Variants in PDE7B observed in about 807,000 individuals in gnomAD.
The protein encoded by PDE7B is 3',5'-cyclic-AMP phosphodiesterase 7B.
PDE7B carries 29 observed loss-of-function variants against 56.2 expected under a neutral mutation model. That is an observed-to-expected ratio of 0.52 (90% CI 0.38 to 0.70). PDE7B has a LOEUF of 0.70. PDE7B is among the 30% of genes least tolerant of loss of function. The pLI is 0.00. For synonymous variants in PDE7B, 197 were observed against 196.9 expected, an observed-to-expected ratio of 1.00 and a Z score of 0.00; for missense variants, 490 against 565.0, an observed-to-expected ratio of 0.87 and a Z score of 1.35.
intron 1 of PDE7B, among the ~76,000 whole-genome samples, chr6:135,915,273 A>C (rs1275256523): frequency 6.6e-6 from 1 of 152,148 alleles, no homozygotes; most frequent in African/African-American, 2.4e-5. Flanking sequence ...GTGTGGATGT[A>C]TGTTTTCACT....
chr6:136,068,891 G>A (rs1183015415), intron 2 of PDE7B, among the ~76,000 whole-genome samples: 1 of 152,144 alleles, frequency 6.6e-6, no homozygotes, highest in Non-Finnish European at 1.5e-5. Context: ...ATATGTCAAA[G>A]CAATCTGTTT....
chr6:136,116,853 T>G (rs1356057689), intron 3 of PDE7B, among the ~76,000 whole-genome samples: 2 of 152,180 alleles, frequency 1.3e-5, no homozygotes, highest in African/African-American at 4.8e-5. Context: ...GCCCCTGTAT[T>G]TTTAGTTTAT....
intron 1 of PDE7B, among the ~76,000 whole-genome samples, chr6:135,890,195 A>T (rs1775786614): frequency 6.6e-6 from 1 of 152,246 alleles, no homozygotes; most frequent in Non-Finnish European, 1.5e-5. Flanking sequence ...ATAACATTTT[A>T]AAAAATGAAT....
At chr6:136,048,681 T>C (rs1247638319) in intron 2 of PDE7B, among the ~76,000 whole-genome samples, 1 of 152,184 alleles carries the variant, frequency 6.6e-6, no homozygotes, top group African/African-American at 2.4e-5. Context: ...AGTGATATGA[T>C]AAATTTTACA....
At chr6:136,156,003 T>G in intron 8 of PDE7B, 1 of 603,876 alleles carries the variant, frequency 1.7e-6, no homozygotes, top group South Asian at 1.6e-5. Context: ...GATACAATTG[T>G]TTTTTAAAAT....
intron 1 of PDE7B, among the ~76,000 whole-genome samples, chr6:135,889,373 G>A (rs182982042): frequency 8.0e-5 from 12 of 150,654 alleles, no homozygotes; most frequent in East Asian, 1.9e-4. Context: ...CAAGTGATCC[G>A]CCTGCCTTGG....
intron 2 of PDE7B, among the ~76,000 whole-genome samples, chr6:135,962,616 G>T (rs1237196984): frequency 6.6e-6 from 1 of 151,926 alleles, no homozygotes; most frequent in Non-Finnish European, 1.5e-5. Context: ...TTGTTTGTTT[G>T]CATTACTAAA....
chr6:136,069,190 A>G (rs1777004663), intron 2 of PDE7B, among the ~76,000 whole-genome samples: 1 of 152,214 alleles, frequency 6.6e-6, no homozygotes. Context: ...TACACTGCCC[A>G]TAGCAAAGGA....
At chr6:136,102,557 T>C (rs1344687751) in intron 2 of PDE7B, among the ~76,000 whole-genome samples, 1 of 152,146 alleles carries the variant, frequency 6.6e-6, no homozygotes, top group South Asian at 2.1e-4. Flanking sequence ...ACTCCTCAAG[T>C]TGTTCTCCTT....
chr6:136,167,258 T>C (rs1207396637), intron 8 of PDE7B, among the ~76,000 whole-genome samples: 1 of 152,150 alleles, frequency 6.6e-6, no homozygotes, highest in Non-Finnish European at 1.5e-5. Context: ...AGCATGAAAG[T>C]ATTTATTATG....
At position 135,945,871 on chromosome 6, in the gene PDE7B, A is replaced by G. The variant is rs188622131; in HGVS notation, c.22-1593A>G. Among the ~76,000 whole-genome samples the G allele has an allele frequency of 4.1e-4, 62 of 152,264 alleles. 1 individual carries two copies. In the East Asian group the frequency reaches 0.011, roughly 27 times the overall value. On this transcript the variant is annotated intron_variant, in intron 1 of 12. Transcript: ENST00000308191. ...GCAGAGATGTATTGTACAAAGGGCC[A>G]TTTTTATATTCAGAGTTGTGAATAT...
At chr6:135,872,866 A>G (rs1223604196) in intron 1 of PDE7B, among the ~76,000 whole-genome samples, 1 of 152,168 alleles carries the variant, frequency 6.6e-6, no homozygotes, top group African/African-American at 2.4e-5. Flanking sequence ...CTACTCATTT[A>G]TATAGTAGTG....
At chr6:136,075,902 C>G (rs1777121299) in intron 2 of PDE7B, among the ~76,000 whole-genome samples, 1 of 152,152 alleles carries the variant, frequency 6.6e-6, no homozygotes, top group South Asian at 2.1e-4. Flanking sequence ...TTTTCTGTGA[C>G]TTGACTTCTA....
intron 2 of PDE7B, among the ~76,000 whole-genome samples, chr6:135,985,224 C>A (rs4075415): frequency 0.085 from 12,908 of 152,020 alleles, 927 homozygotes; most frequent in African/African-American, 0.19. Flanking sequence ...GGAAAAAAAA[C>A]CCTCCATATA....
chr6:135,982,113 C>A (rs1483896279), intron 2 of PDE7B, among the ~76,000 whole-genome samples: 3 of 152,138 alleles, frequency 2.0e-5, no homozygotes, highest in South Asian at 2.1e-4. Flanking sequence ...CCTGACCCCC[C>A]CTCTTTCTAG....
Position 136,176,550 on chromosome 6 carries a change from T to C in PDE7B, c.804-2447T>C, listed in dbSNP as rs117449563. 7.0e-3 allele frequency among the ~76,000 whole-genome samples: 1,062 copies of C among 152,208 alleles called. 6 individuals carry two copies. The highest frequency in any genetic ancestry group is 0.012 in the Non-Finnish European group (826 of 67,954). ...ATCTCATAAATTTTTGTGATTTTTT[T>C]CCCCCACGGAATGCTTCATTATTGT... On this transcript the variant is annotated intron_variant, in intron 9 of 12. Coordinates refer to ENST00000308191, the MANE Select transcript of PDE7B (RefSeq NM_018945.4).
At chr6:136,123,930 C>T (rs1162813141) in intron 3 of PDE7B, among the ~76,000 whole-genome samples, 1 of 152,112 alleles carries the variant, frequency 6.6e-6, no homozygotes, top group Non-Finnish European at 1.5e-5. Context: ...TTTTATCTAA[C>T]ATTAATAGCT....
intron 8 of PDE7B, among the ~76,000 whole-genome samples, chr6:136,170,795 T>G (rs969465056): frequency 1.3e-5 from 2 of 152,134 alleles, no homozygotes; most frequent in Admixed American, 1.3e-4. Context: ...AAGTGTTAGC[T>G]CTTCTCTCTT....
chr6:136,111,893 T>C (rs914127962), intron 3 of PDE7B, among the ~76,000 whole-genome samples: 2 of 152,218 alleles, frequency 1.3e-5, no homozygotes, highest in African/African-American at 4.8e-5. Flanking sequence ...CCTTGGGTGC[T>C]TGCAGTTTTG....
Sources: allele counts gnomAD v4.1 joint callset (sites outside exome capture counted in the v4.1 genomes callset), GRCh38; gene constraint gnomAD v4.1.1; transcripts MANE v1.5; gene names NCBI Gene and HGNC (gene_info 2026-07-23, HGNC 2026-07-21).